Variants in MTMR3 observed in about 807,000 individuals in gnomAD.
The protein encoded by MTMR3 is phosphatidylinositol-3,5-bisphosphate 3-phosphatase MTMR3.
A neutral mutation model predicts 132.4 loss-of-function variants in MTMR3; 32 were observed. The ratio of observed to expected loss-of-function variants is 0.24; its 90% CI spans 0.18 to 0.32. MTMR3 has a LOEUF of 0.32. MTMR3 is among the 10% of genes least tolerant of loss of function. MTMR3 has a pLI of 1.00. For synonymous variants in MTMR3, 556 were observed against 550.3 expected (o/e 1.01, Z -0.14); for missense variants, 1,216 against 1,489.6 (o/e 0.82, Z 3.02).
At chr22:29,951,889 GTTTT>G (rs11331318) in intron 1 of MTMR3, among the ~76,000 whole-genome samples, 21 of 131,396 alleles carry the variant, frequency 1.6e-4, no homozygotes, top group African/African-American at 5.7e-4. Context: ...ACAAGTAAAG[GTTTT>G]TTTTTTTTTT....
In MTMR3 at chr22:30,030,647, G is replaced by GGGGGGGGGGGGGGGGGGGT. The variant is rs749927557; in HGVS notation, c.*4847_*4848insGGGGGGGGGGGGGGGGGTG. On this transcript the variant is annotated 3_prime_UTR_variant, in exon 20 of 20. Transcript: ENST00000401950. ...CTCAGCGAGGAGGGGGCGGGGGGGG[G>GGGGGGGGGGGGGGGGGGGT]GTCACTATTTATCTTCCAGAGGCAG... 2.6e-5 allele frequency: 2 copies of GGGGGGGGGGGGGGGGGGGT among 76,358 alleles called. No individual in the cohort carries two copies. The highest frequency in any genetic ancestry group is 5.2e-5 in the Non-Finnish European group (2 of 38,516). The allele number at this position is 76,358 out of a possible 1,614,324, so 4.7% of individuals were successfully genotyped here.
intron 1 of MTMR3, among the ~76,000 whole-genome samples, chr22:29,903,039 A>G (rs1416433405): frequency 6.6e-6 from 1 of 152,186 alleles, no homozygotes; most frequent in African/African-American, 2.4e-5. Context: ...CGCCTAGGCA[A>G]CATGGTGAAA....
chr22:29,963,717 G>A (rs974076344), intron 2 of MTMR3, among the ~76,000 whole-genome samples: 4 of 151,872 alleles, frequency 2.6e-5, no homozygotes, highest in African/African-American at 9.7e-5. Flanking sequence ...CAAATAATTT[G>A]CCATTGTTTA....
chr22:29,953,379 G>A (rs920393049), intron 1 of MTMR3, among the ~76,000 whole-genome samples: 5 of 152,142 alleles, frequency 3.3e-5, no homozygotes, highest in Non-Finnish European at 5.9e-5. Flanking sequence ...ACAAATTGGT[G>A]TGCCTCTTTG....
At chr22:29,923,742 T>C (rs1317141916) in intron 1 of MTMR3, among the ~76,000 whole-genome samples, 1 of 152,138 alleles carries the variant, frequency 6.6e-6, no homozygotes, top group African/African-American at 2.4e-5. Flanking sequence ...GGATCAAGGA[T>C]CCATCTGCAT....
intron 1 of MTMR3, among the ~76,000 whole-genome samples, chr22:29,948,820 C>T (rs1301184590): frequency 2.1e-5 from 3 of 146,038 alleles, no homozygotes; most frequent in African/African-American, 7.6e-5. Context: ...AGCCAAAAAA[C>T]CCAGCCAGGT....
intron 1 of MTMR3, among the ~76,000 whole-genome samples, chr22:29,892,233 CTT>C (rs1017295104): frequency 1.3e-5 from 2 of 151,984 alleles, no homozygotes; most frequent in African/African-American, 2.4e-5. Flanking sequence ...CAGTTCAATA[CTT>C]TTTGCATTGT....
chr22:29,896,631 G>A (rs2064901519), intron 1 of MTMR3, among the ~76,000 whole-genome samples: 3 of 151,900 alleles, frequency 2.0e-5, no homozygotes, highest in Admixed American at 2.0e-4. Flanking sequence ...ACTTGAATTT[G>A]CTTTTTGTCT....
intron 1 of MTMR3, among the ~76,000 whole-genome samples, chr22:29,891,123 A>T (rs2064790438): frequency 6.6e-6 from 1 of 152,090 alleles, no homozygotes. Flanking sequence ...AAAAGAAAAA[A>T]ATTGAGCATC....
At chr22:29,941,009 T>A (rs1482103351) in intron 1 of MTMR3, among the ~76,000 whole-genome samples, 1 of 150,074 alleles carries the variant, frequency 6.7e-6, no homozygotes, top group Non-Finnish European at 1.5e-5. Context: ...AGCCACTGCC[T>A]CAATCATGAT....
In MTMR3 at chr22:29,942,198, A is replaced by G. The variant is rs116017461; in HGVS notation, c.-137-14838A>G. Among the ~76,000 whole-genome samples, 684 of 152,270 alleles carry G rather than the reference A, an allele frequency of 4.5e-3. 6 individuals are homozygous for G. The highest frequency in any genetic ancestry group is 0.016 in the African/African-American group (646 of 41,548). On this transcript the variant is annotated intron_variant, in intron 1 of 19. Coordinates refer to ENST00000401950, the MANE Select transcript of MTMR3 (RefSeq NM_021090.4). ...ACAAAAGAGAGAAATTTTAAAGCTGAATGTCTAGGGGAGATGTCACATGTC... is the reference window on the plus strand; with the variant it reads ...ACAAAAGAGAGAAATTTTAAAGCTGGATGTCTAGGGGAGATGTCACATGTC...
chr22:30,013,106 T>TAAAA (rs1230397449), intron 13 of MTMR3: 1 of 310,570 alleles, frequency 3.2e-6, no homozygotes, highest in Non-Finnish European at 5.9e-6. Flanking sequence ...AGGCTAAAAA[T>TAAAA]ACACATTCAA....
At chr22:30,013,760 A>G in intron 14 of MTMR3, 1 of 423,316 alleles carries the variant, frequency 2.4e-6, no homozygotes, top group Non-Finnish European at 4.2e-6. Context: ...GTTGTTTTAA[A>G]CTTAGTTTTT....
chr22:29,912,862 A>G (rs2065240590), intron 1 of MTMR3, among the ~76,000 whole-genome samples: 1 of 152,208 alleles, frequency 6.6e-6, no homozygotes, highest in African/African-American at 2.4e-5. Flanking sequence ...TCTTGGCCTG[A>G]ACTGTTTTAG....
chr22:30,025,041 T>G lies in MTMR3; in HGVS notation c.3426-589T>G, dbSNP rs2067877448. On this transcript the variant is annotated intron_variant, in intron 19 of 19. Transcript: ENST00000401950. ...CATCCTGTGTTCTTGTCCTCCCACC[T>G]CTCCTCTTTCACCCTCTGAGCATGC... is the stretch of plus-strand genomic sequence containing the variant. 9 of 155,472 alleles carry G rather than the reference T, an allele frequency of 5.8e-5. No homozygotes were observed. In the South Asian group the frequency reaches 1.8e-3, roughly 31 times the overall value. 9.6% of individuals were successfully genotyped at this position (155,472 alleles called of 1,614,324 possible).
At chr22:30,012,158 C>T in intron 12 of MTMR3, 1 of 510,236 alleles carries the variant, frequency 2.0e-6, no homozygotes, top group Admixed American at 3.9e-5. Context: ...TAATTGTAGC[C>T]CCTATTTCTA....
At chr22:30,001,613 T>C (rs983177075) in intron 8 of MTMR3, 5 of 152,024 alleles carry the variant, frequency 3.3e-5, no homozygotes, top group Non-Finnish European at 7.4e-5. Flanking sequence ...TAAAACAAAA[T>C]GGGGGGTGGT....
chr22:29,907,172 G>A (rs1358472767), intron 1 of MTMR3, among the ~76,000 whole-genome samples: 1 of 151,544 alleles, frequency 6.6e-6, no homozygotes, highest in Non-Finnish European at 1.5e-5. Context: ...AGGCCAAGGC[G>A]GGTGGATCAC....
chr22:29,977,717 C>G (rs1260436155), intron 3 of MTMR3, among the ~76,000 whole-genome samples: 1 of 152,166 alleles, frequency 6.6e-6, no homozygotes, highest in Admixed American at 6.5e-5. Flanking sequence ...CCCGCTTCTT[C>G]CTTACTCTTG....
Sources: gnomAD v4.1 joint callset for allele counts (sites outside exome capture counted in the v4.1 genomes callset) on GRCh38, gnomAD v4.1.1 for gene constraint, MANE v1.5 for transcripts, NCBI Gene and HGNC (gene_info 2026-07-23, HGNC 2026-07-21) for gene names.